Variants in RGS7 observed in about 807,000 individuals in gnomAD.
The protein encoded by RGS7 is regulator of G-protein signaling 7.
Under a neutral mutation model 81.1 loss-of-function variants are expected in RGS7, and 27 were observed. That is an observed-to-expected ratio of 0.33 (90% confidence interval 0.25 to 0.46). RGS7 has a LOEUF of 0.46. Among genes scored for constraint, RGS7 ranks in the 20% least tolerant of loss-of-function variants. RGS7 has a pLI of 1.00. For synonymous variants in RGS7, 208 were observed against 207.7 expected (o/e 1.00, Z -0.01); for missense variants, 396 against 607.4 (o/e 0.65, Z 3.66).
At chr1:241,166,086 T>TG (rs2070208198) in intron 2 of RGS7, among the ~76,000 whole-genome samples, 1 of 152,110 alleles carries the variant, frequency 6.6e-6, no homozygotes, top group African/African-American at 2.4e-5. Context: ...GGAGAACATC[T>TG]GGGGGTGGGG....
intron 6 of RGS7, among the ~76,000 whole-genome samples, chr1:240,889,113 C>G (rs939207114): frequency 6.6e-5 from 10 of 152,066 alleles, no homozygotes; most frequent in African/African-American, 2.4e-4. Context: ...CCCGCCACCA[C>G]GCCCGGGTAA....
At chr1:240,983,179 T>G in intron 3 of RGS7, 50 bp from the exon 4 acceptor site, 2 of 1,047,516 alleles carry the variant, frequency 1.9e-6, no homozygotes, top group Non-Finnish European at 2.8e-6. Context: ...ATTTTGTTTA[T>G]ACATATTAAC....
At chr1:241,038,680 G>A (rs1200641557) in intron 3 of RGS7, among the ~76,000 whole-genome samples, 1 of 152,172 alleles carries the variant, frequency 6.6e-6, no homozygotes, top group Non-Finnish European at 1.5e-5. Context: ...ATTTGTACCA[G>A]CCTGAGAAGT....
chr1:240,988,252 A>G (rs1685961764), intron 3 of RGS7, among the ~76,000 whole-genome samples: 1 of 150,370 alleles, frequency 6.7e-6, no homozygotes, highest in Non-Finnish European at 1.5e-5. Flanking sequence ...TTATGACACC[A>G]CAGTGTATCT....
chr1:241,098,787 A>G, intron 2 of RGS7, 25 bp from the exon 3 acceptor site: 1 of 1,547,006 alleles, frequency 6.5e-7, no homozygotes, highest in East Asian at 2.3e-5. Flanking sequence ...CATAATTAAA[A>G]CCTTTATAAA....
chr1:241,121,403 T>C (rs573208126), intron 2 of RGS7, among the ~76,000 whole-genome samples: 51 of 152,234 alleles, frequency 3.4e-4, no homozygotes, highest in African/African-American at 1.2e-3. Flanking sequence ...GGTTGAGCGA[T>C]GAAAGGACAA....
chr1:241,101,044 G>C (rs2064700249), intron 2 of RGS7, among the ~76,000 whole-genome samples: 2 of 152,174 alleles, frequency 1.3e-5, no homozygotes, highest in East Asian at 3.9e-4. Context: ...TGCCCTAGTG[G>C]GTAAGCAAGT....
intron 18 of RGS7, 85 bp downstream of exon 18, chr1:240,800,556 C>A (rs866543545): frequency 5.2e-4 from 368 of 703,374 alleles, no homozygotes; most frequent in Middle Eastern, 4.2e-3. Context: ...AGCCACAACA[C>A]ACACACACAC....
At chr1:241,148,985 A>C (rs2068548858) in intron 2 of RGS7, among the ~76,000 whole-genome samples, 1 of 152,248 alleles carries the variant, frequency 6.6e-6, no homozygotes, top group African/African-American at 2.4e-5. Flanking sequence ...AAACACCTTC[A>C]CACTCCAACA....
At chr1:240,779,566 T>C (rs1275344801) in intron 18 of RGS7, among the ~76,000 whole-genome samples, 23 of 152,172 alleles carry the variant, frequency 1.5e-4, no homozygotes, top group Non-Finnish European at 3.4e-4. Context: ...CATCGGACAC[T>C]GAATCTGCCA....
chr1:241,057,784 C>T (rs34618273), intron 3 of RGS7, among the ~76,000 whole-genome samples: 6 of 152,024 alleles, frequency 3.9e-5, no homozygotes, highest in East Asian at 1.9e-4. Context: ...CAGTGGCATG[C>T]GCCTGTAGTC....
intron 2 of RGS7, among the ~76,000 whole-genome samples, chr1:241,284,220 T>C (rs2078674554): frequency 6.6e-6 from 1 of 152,234 alleles, no homozygotes; most frequent in Non-Finnish European, 1.5e-5. Flanking sequence ...CCCAGAATTT[T>C]TCTGGTCATA....
At chr1:241,214,899 A>G (rs1331206510) in intron 2 of RGS7, among the ~76,000 whole-genome samples, 1 of 152,082 alleles carries the variant, frequency 6.6e-6, no homozygotes, top group Non-Finnish European at 1.5e-5. Flanking sequence ...CCAATTCTTT[A>G]TCCTAACTAT....
intron 3 of RGS7, among the ~76,000 whole-genome samples, chr1:241,064,825 C>A (rs950111407): frequency 6.6e-6 from 1 of 152,184 alleles, no homozygotes; most frequent in Non-Finnish European, 1.5e-5. Context: ...GTGCCATATC[C>A]ATCCCTGTCA....
At chr1:241,218,589 T>A (rs2074710446) in intron 2 of RGS7, among the ~76,000 whole-genome samples, 1 of 152,182 alleles carries the variant, frequency 6.6e-6, no homozygotes, top group South Asian at 2.1e-4. Flanking sequence ...TCCTTTCCCC[T>A]TCCCCTGGGT....
At chr1:241,275,416 CT>C (rs2078142765) in intron 2 of RGS7, among the ~76,000 whole-genome samples, 1 of 152,194 alleles carries the variant, frequency 6.6e-6, no homozygotes, top group Non-Finnish European at 1.5e-5. Context: ...TAGCACACCC[CT>C]AACAGGATAC....
At chr1:241,007,315 T>C (rs887851148) in intron 3 of RGS7, among the ~76,000 whole-genome samples, 1 of 152,230 alleles carries the variant, frequency 6.6e-6, no homozygotes, top group African/African-American at 2.4e-5. Context: ...TTACTACCAC[T>C]TCAAGTATGT....
chr1:241,110,752 C>T (rs544076849), intron 2 of RGS7, among the ~76,000 whole-genome samples: 3 of 148,500 alleles, frequency 2.0e-5, no homozygotes, highest in South Asian at 2.1e-4. Flanking sequence ...TATGATGGTG[C>T]GATCTTGGCT....
At chr1:241,322,149 G>A (rs776162770) in intron 2 of RGS7, among the ~76,000 whole-genome samples, 45 of 152,192 alleles carry the variant, frequency 3.0e-4, no homozygotes, top group South Asian at 4.2e-4. Flanking sequence ...TGTCCTCTAC[G>A]TTCTCACTCT....
Sources: gnomAD v4.1 joint callset for allele counts (sites outside exome capture counted in the v4.1 genomes callset) on GRCh38, gnomAD v4.1.1 for gene constraint, MANE v1.5 for transcripts, NCBI Gene and HGNC (gene_info 2026-07-23, HGNC 2026-07-21) for gene names.